TMEM181: variants seen among roughly 807,000 people sequenced by gnomAD.
TMEM181 encodes the protein G protein-coupled receptor 178.
A neutral mutation model predicts 71.9 loss-of-function variants in TMEM181; 39 were observed. The ratio of observed to expected loss-of-function variants is 0.54; its 90% CI spans 0.42 to 0.71. The LOEUF (loss-of-function observed/expected upper bound fraction) is 0.71, where lower values mean the gene tolerates loss of function less well. TMEM181 is among the 30% of genes least tolerant of loss of function. TMEM181 has a pLI of 0.00. For synonymous variants in TMEM181, 245 were observed against 228.8 expected, an observed-to-expected ratio of 1.07 and a Z score of -0.64; for missense variants, 595 against 583.0, an observed-to-expected ratio of 1.02 and a Z score of -0.21.
At chr6:158,591,500 C>T (rs1784107567) in intron 6 of TMEM181, among the ~76,000 whole-genome samples, 1 of 152,022 alleles carries the variant, frequency 6.6e-6, no homozygotes, top group Admixed American at 6.6e-5. Context: ...GAATGATCTC[C>T]TGGATCTTAG....
At chr6:158,592,905 G>GT in intron 6 of TMEM181, among the ~76,000 whole-genome samples, 1 of 152,256 alleles carries the variant, frequency 6.6e-6, no homozygotes, top group East Asian at 1.9e-4. Context: ...GGGTGACAGA[G>GT]TGAGACCCTG....
At chr6:158,544,828 C>G (rs1374551511) in intron 1 of TMEM181, among the ~76,000 whole-genome samples, 1 of 152,212 alleles carries the variant, frequency 6.6e-6, no homozygotes, top group Non-Finnish European at 1.5e-5. Flanking sequence ...TGTAGTCCCT[C>G]TTTTCCTATC....
intron 3 of TMEM181, among the ~76,000 whole-genome samples, chr6:158,581,624 G>T (rs554308347): frequency 6.6e-6 from 1 of 151,762 alleles, no homozygotes; most frequent in Non-Finnish European, 1.5e-5. Flanking sequence ...CGTGGTGGGG[G>T]GGCGCCTGTA....
intron 5 of TMEM181, among the ~76,000 whole-genome samples, chr6:158,587,071 G>A (rs1299027204): frequency 6.6e-6 from 1 of 152,196 alleles, no homozygotes; most frequent in Non-Finnish European, 1.5e-5. Flanking sequence ...TCAGATTGAG[G>A]CTCAATGGAC....
chr6:158,550,892 G>GAAAAAAAAAA (rs368216274), intron 1 of TMEM181, among the ~76,000 whole-genome samples: 1 of 87,104 alleles, frequency 1.1e-5, no homozygotes, highest in Non-Finnish European at 2.2e-5. Flanking sequence ...TCTGTCTCAG[G>GAAAAAAAAAA]AAAAAAAAAA....
At chr6:158,540,176 T>A (rs1169900922) in intron 1 of TMEM181, among the ~76,000 whole-genome samples, 1 of 152,176 alleles carries the variant, frequency 6.6e-6, no homozygotes. Flanking sequence ...AGAAAAAGAA[T>A]AACTTGAAGT....
chr6:158,611,015 C>T (rs1785272404), intron 10 of TMEM181: 1 of 450,408 alleles, frequency 2.2e-6, no homozygotes, highest in South Asian at 1.9e-5. Flanking sequence ...TCACCACCTC[C>T]CTATCTTTAT....
chr6:158,588,530 A>T (rs1292579889), intron 5 of TMEM181, among the ~76,000 whole-genome samples: 1 of 151,842 alleles, frequency 6.6e-6, no homozygotes, highest in African/African-American at 2.4e-5. Flanking sequence ...GCCCACTGCA[A>T]CCTCCACCTC....
chr6:158,541,158 G>A (rs1781326103), intron 1 of TMEM181, among the ~76,000 whole-genome samples: 1 of 152,154 alleles, frequency 6.6e-6, no homozygotes, highest in African/African-American at 2.4e-5. Context: ...GCTCATGCCT[G>A]TAATCCTAGC....
chr6:158,608,597 C>T (rs1785102123), intron 9 of TMEM181, 62 bp from the exon 10 acceptor site: 2 of 1,595,290 alleles, frequency 1.3e-6, no homozygotes, highest in Non-Finnish European at 1.7e-6. Flanking sequence ...GGAAAAATCA[C>T]GTTATGTACA....
chr6:158,536,819 G>T lies in TMEM181; in HGVS notation c.85G>T (p.Glu29Ter). ...CCGGCGGCTGCGGGAAGCGTACCGC[G>T]AGCTCAAGGAGGACCTCACGCCCTT... The change falls in exon 1 of 17, where the codon GAG becomes TAG. Residue 29 changes from glutamate to a stop codon, truncating the protein, a stop_gained. Transcript: ENST00000367090. LOFTEE classifies it high-confidence loss of function. The T allele has an allele frequency of 6.4e-7, 1 of 1,554,162 alleles. No homozygotes were observed. Among genetic ancestry groups the T allele is most frequent in the South Asian group, 1.2e-5 (1 of 86,414 alleles).
At chr6:158,537,638 G>A (rs1217163033) in intron 1 of TMEM181, among the ~76,000 whole-genome samples, 2 of 152,170 alleles carry the variant, frequency 1.3e-5, no homozygotes, top group African/African-American at 4.8e-5. Flanking sequence ...GGACCCTATC[G>A]CGAGTCGGTA....
intron 3 of TMEM181, among the ~76,000 whole-genome samples, chr6:158,581,753 C>CAAAA (rs10626721): frequency 0.35 from 21,278 of 61,460 alleles, 4,713 homozygotes; most frequent in Non-Finnish European, 0.39. Flanking sequence ...GACTCTGTCT[C>CAAAA]AAAAAAAAAA....
At chr6:158,565,539 G>A (rs371801912) in intron 1 of TMEM181, among the ~76,000 whole-genome samples, 1 of 152,206 alleles carries the variant, frequency 6.6e-6, no homozygotes, top group African/African-American at 2.4e-5. Flanking sequence ...ACAACGCTGG[G>A]GGGAGAAAGT....
Position 158,617,282 on chromosome 6 carries a change from T to C in TMEM181, c.897-6268T>C, listed in dbSNP as rs185481186. On this transcript the variant is annotated intron_variant, in intron 10 of 16. Transcript: ENST00000684151. ...TAGTTTATTTGAGTAGAGGTGTTTA[T>C]AGTACTCTCTGATGGTAGTTTGTAT... Among the ~76,000 whole-genome samples, 203 of 152,336 alleles carry C rather than the reference T, an allele frequency of 1.3e-3. 1 individual carries two copies. Among genetic ancestry groups the C allele is most frequent in the Non-Finnish European group, 2.4e-3 (164 of 68,032 alleles).
chr6:158,622,145 C>CT (rs1434243792), intron 10 of TMEM181, among the ~76,000 whole-genome samples: 1 of 152,262 alleles, frequency 6.6e-6, no homozygotes, highest in African/African-American at 2.4e-5. Context: ...TCCCCAGCGC[C>CT]TGCCCTCTGG....
At chr6:158,622,471 A>G (rs904370173) in intron 10 of TMEM181, among the ~76,000 whole-genome samples, 1 of 152,102 alleles carries the variant, frequency 6.6e-6, no homozygotes, top group Non-Finnish European at 1.5e-5. Context: ...GATGTGGCCG[A>G]CTGACGGGCG....
intron 1 of TMEM181, among the ~76,000 whole-genome samples, chr6:158,548,548 C>T (rs1407804569): frequency 1.3e-5 from 2 of 152,182 alleles, no homozygotes; most frequent in African/African-American, 4.8e-5. Context: ...GGCCAGGTGG[C>T]AGGAATGCTC....
At chr6:158,560,936 C>G (rs1226202176) in intron 1 of TMEM181, among the ~76,000 whole-genome samples, 1 of 152,150 alleles carries the variant, frequency 6.6e-6, no homozygotes, top group Non-Finnish European at 1.5e-5. Context: ...TAGGTGTCCC[C>G]CTGGGCGCAT....
Sources: gnomAD v4.1 joint callset for allele counts (sites outside exome capture counted in the v4.1 genomes callset) on GRCh38, gnomAD v4.1.1 for gene constraint, MANE v1.5 for transcripts, NCBI Gene and HGNC (gene_info 2026-07-23, HGNC 2026-07-21) for gene names.